The following SLC14A2 variants were observed in gnomAD, a reference collection of about 807,000 sequenced individuals.
SLC14A2 encodes urea transporter 2.
In SLC14A2, 91 loss-of-function variants were observed where a neutral mutation model predicts 104.6. The ratio of observed to expected loss-of-function variants is 0.87; its 90% CI spans 0.73 to 1.04. SLC14A2 has a LOEUF of 1.04. Ranked by LOEUF, SLC14A2 falls within the 50% of genes least tolerant of loss-of-function variation. The probability of loss-of-function intolerance (pLI) is 0.00; values close to 1 mark genes in which losing one functional copy is unlikely to be tolerated. For synonymous variants in SLC14A2, 476 were observed against 466.4 expected, an observed-to-expected ratio of 1.02 and a Z score of -0.27; for missense variants, 1,189 against 1,156.0, an observed-to-expected ratio of 1.03 and a Z score of -0.41.
intron 2 of SLC14A2, among the ~76,000 whole-genome samples, chr18:45,597,181 G>C (rs921931818): frequency 6.6e-6 from 1 of 152,164 alleles, no homozygotes; most frequent in African/African-American, 2.4e-5. Context: ...ACAAAAATTA[G>C]CCAGGCGTGG....
intron 5 of SLC14A2, among the ~76,000 whole-genome samples, chr18:45,636,045 C>T (rs12959849): frequency 0.81 from 123,112 of 152,118 alleles, 51,046 homozygotes; most frequent in Middle Eastern, 0.94. Context: ...AGGTGGTTGG[C>T]GGAGGCTAAA....
intron 1 of SLC14A2, among the ~76,000 whole-genome samples, chr18:45,389,672 T>G (rs965031836): frequency 6.6e-6 from 1 of 152,190 alleles, no homozygotes; most frequent in African/African-American, 2.4e-5. Flanking sequence ...GAATATTTGC[T>G]TACAGGTGCC....
intron 2 of SLC14A2, chr18:45,492,070 G>T (rs1393432261): frequency 2.0e-5 from 3 of 152,254 alleles, no homozygotes; most frequent in African/African-American, 4.8e-5. Context: ...AGTCACAGGG[G>T]TTCCATCTCC....
intron 10 of SLC14A2, among the ~76,000 whole-genome samples, chr18:45,652,590 G>T (rs1394915642): frequency 6.6e-6 from 1 of 152,162 alleles, no homozygotes; most frequent in Non-Finnish European, 1.5e-5. Context: ...GTCAATGCAG[G>T]CCTCCTCCCT....
intron 5 of SLC14A2, among the ~76,000 whole-genome samples, chr18:45,635,156 T>C (rs1310875200): frequency 2.6e-5 from 4 of 152,230 alleles, no homozygotes; most frequent in Non-Finnish European, 5.9e-5. Context: ...GAATTCTGTT[T>C]GGACACATTA....
chr18:45,542,159 C>T (rs1240292074), intron 2 of SLC14A2: 2 of 141,932 alleles, frequency 1.4e-5, no homozygotes, highest in South Asian at 2.3e-4. Flanking sequence ...AGCATTATCA[C>T]AAAGGTATGT....
At chr18:45,681,878 G>A (rs2046314080) in intron 19 of SLC14A2, among the ~76,000 whole-genome samples, 2 of 152,202 alleles carry the variant, frequency 1.3e-5, no homozygotes, top group Admixed American at 1.3e-4. Flanking sequence ...CCTATCTCTA[G>A]TCCAATCAGC....
At chr18:45,508,542 C>A (rs2043318837) in intron 2 of SLC14A2, among the ~76,000 whole-genome samples, 1 of 152,244 alleles carries the variant, frequency 6.6e-6, no homozygotes, top group African/African-American at 2.4e-5. Context: ...CATTAAACCT[C>A]TTTGTTATGT....
At chr18:45,414,751 AAAAAAAATATAT>A (rs1358020273) in intron 1 of SLC14A2, among the ~76,000 whole-genome samples, 3 of 70,892 alleles carry the variant, frequency 4.2e-5, no homozygotes, top group African/African-American at 1.8e-4. Flanking sequence ...GCGTAAAAAA[AAAAAAAATATAT>A]ATATATATAT....
At chr18:45,669,961 T>C (rs1340836219) in intron 16 of SLC14A2, among the ~76,000 whole-genome samples, 1 of 152,204 alleles carries the variant, frequency 6.6e-6, no homozygotes, top group Non-Finnish European at 1.5e-5. Flanking sequence ...CCTCCAGAGT[T>C]TATTCCCTTC....
chr18:45,561,338 A>G lies in SLC14A2; in HGVS notation c.-34-63293A>G, dbSNP rs542636835. On this transcript the variant is annotated intron_variant, in intron 2 of 20. Transcript: ENST00000586448. ...TCATGCTTCCCTCTTCCTGTTCCCT[A>G]TAGTCCCACTTAGTCTGGGGAAGCT... 1.8e-3 allele frequency among the ~76,000 whole-genome samples: 273 copies of G among 152,246 alleles called. 1 individual carries two copies. The highest frequency in any genetic ancestry group is 6.2e-3 in the African/African-American group (259 of 41,554).
At chr18:45,662,449 G>A (rs988832288) in intron 10 of SLC14A2, among the ~76,000 whole-genome samples, 4 of 152,110 alleles carry the variant, frequency 2.6e-5, no homozygotes, top group Admixed American at 6.5e-5. Context: ...TCCAGCTTTC[G>A]TATGCACACG....
intron 1 of SLC14A2, among the ~76,000 whole-genome samples, chr18:45,345,983 C>A (rs920921272): frequency 3.9e-5 from 6 of 152,206 alleles, no homozygotes; most frequent in African/African-American, 1.4e-4. Context: ...TTGGAATTGT[C>A]AGGCTTTAAA....
rs2045489479 is a variant in SLC14A2 at position 45,639,815 on chromosome 18, T to TAGGAACAC, written c.913_914insAGGAACAC (p.Phe305Ter). ...TGACAATCCCTGGACAGGCGGCGTG[T>TAGGAACAC]TCCTGGTGGCTCTGTTCATCTCCTC... is the stretch of plus-strand genomic sequence containing the variant. On this transcript the variant is annotated stop_gained and frameshift_variant, in exon 7 of 20. Coordinates refer to ENST00000255226, the MANE Select transcript of SLC14A2 (RefSeq NM_007163.4). LOFTEE classifies it high-confidence loss of function. 1 of 1,613,926 alleles carries TAGGAACAC rather than the reference T, an allele frequency of 6.2e-7. No homozygotes were observed. The highest frequency in any genetic ancestry group is 8.5e-7 in the Non-Finnish European group (1 of 1,180,036).
intron 1 of SLC14A2, among the ~76,000 whole-genome samples, chr18:45,339,529 A>G (rs2144278862): frequency 6.6e-6 from 1 of 152,114 alleles, no homozygotes; most frequent in African/African-American, 2.4e-5. Context: ...CTCATCAATC[A>G]CCTCTAGGGT....
intron 1 of SLC14A2, among the ~76,000 whole-genome samples, chr18:45,357,494 G>C (rs893728881): frequency 1.6e-4 from 25 of 152,034 alleles, no homozygotes; most frequent in African/African-American, 5.6e-4. Context: ...ACATGCGTGA[G>C]CCCAGGAATT....
chr18:45,482,119 G>T (rs1163815880), intron 1 of SLC14A2, among the ~76,000 whole-genome samples: 2 of 152,136 alleles, frequency 1.3e-5, no homozygotes, highest in Non-Finnish European at 2.9e-5. Flanking sequence ...TTAAAAAAAT[G>T]CATACCCATT....
intron 1 of SLC14A2, among the ~76,000 whole-genome samples, chr18:45,423,267 A>G (rs1236774649): frequency 6.6e-6 from 1 of 152,212 alleles, no homozygotes; most frequent in Non-Finnish European, 1.5e-5. Context: ...TACAATCAAG[A>G]TGCTATATTA....
At chr18:45,239,544 G>A (rs1278316817) in intron 1 of SLC14A2, among the ~76,000 whole-genome samples, 1 of 152,246 alleles carries the variant, frequency 6.6e-6, no homozygotes, top group Non-Finnish European at 1.5e-5. Flanking sequence ...CTGTGCTCTT[G>A]ATGCTGCTGA....
Sources: gnomAD v4.1 joint callset for allele counts (sites outside exome capture counted in the v4.1 genomes callset) on GRCh38, gnomAD v4.1.1 for gene constraint, MANE v1.5 for transcripts, NCBI Gene and HGNC (gene_info 2026-07-23, HGNC 2026-07-21) for gene names.